The following CT45A1 variants were observed in gnomAD, a reference collection of about 807,000 sequenced individuals.
CT45A1 encodes the protein cancer/testis antigen 45-1.
chrX:135,714,962 G>A (rs1556570760), intron 1 of CT45A1, among the ~76,000 whole-genome samples: 1 of 105,077 alleles, frequency 9.5e-6, no homozygotes, highest in African/African-American at 3.5e-5. Context: ...AAATGGATTT[G>A]TAGTTTCCAT....
chrX:135,709,931 T>G (rs1157603225), upstream of CT45A1, among the ~76,000 whole-genome samples: 4 of 112,406 alleles, frequency 3.6e-5, no homozygotes, highest in African/African-American at 9.7e-5. Context: ...CAGATATACA[T>G]GAAAAGGATT....
chrX:135,715,866 A>G (rs1210062496), intron 1 of CT45A1, among the ~76,000 whole-genome samples: 1 of 45,164 alleles, frequency 2.2e-5, no homozygotes. Context: ...CCCCTCCCCC[A>G]ACAGATCCCA....
At chrX:135,718,516 A>C (rs2883207) in intron 1 of CT45A1, among the ~76,000 whole-genome samples, 10 of 110,159 alleles carry the variant, frequency 9.1e-5, no homozygotes, top group Middle Eastern at 4.8e-3. Flanking sequence ...TATTAAATAC[A>C]TATTTTGCAT....
At chrX:135,710,753 T>TA (rs1292761832), upstream of CT45A1, among the ~76,000 whole-genome samples, 1 of 112,730 alleles carries the variant, frequency 8.9e-6, no homozygotes, top group Non-Finnish European at 1.9e-5. Context: ...ATCTGATTAT[T>TA]AAATTCTGCT....
chrX:135,708,403 A>G, the CT45A1 span, among the ~76,000 whole-genome samples: 1 of 111,011 alleles, frequency 9.0e-6, no homozygotes, highest in Non-Finnish European at 1.9e-5. Context: ...GGACTTCAGG[A>G]CTGTGAGTGG....
chrX:135,708,427 T>C, the CT45A1 span, among the ~76,000 whole-genome samples: 5 of 110,750 alleles, frequency 4.5e-5, no homozygotes, highest in Non-Finnish European at 7.6e-5. Flanking sequence ...AGTTTTTCTC[T>C]GGATGCTTTA....
upstream of CT45A1, chrX:135,710,425 A>G (rs1250819532): frequency 8.9e-6 from 1 of 112,420 alleles, no homozygotes; most frequent in Non-Finnish European, 1.9e-5. Flanking sequence ...TATCTAGACT[A>G]AATGTCTGTT....
At chrX:135,715,896 C>G (rs1323402918) in intron 1 of CT45A1, among the ~76,000 whole-genome samples, 4 of 103,677 alleles carry the variant, frequency 3.9e-5, no homozygotes, top group African/African-American at 1.4e-4. Flanking sequence ...GTTCTCCTCC[C>G]TGTGTCCATG....
intron 1 of CT45A1, among the ~76,000 whole-genome samples, chrX:135,718,008 G>A (rs1405862647): frequency 1.8e-5 from 2 of 111,925 alleles, no homozygotes; most frequent in East Asian, 5.6e-4. Context: ...AGAAAATACT[G>A]ATACGTCACT....
intron 1 of CT45A1, among the ~76,000 whole-genome samples, chrX:135,718,071 A>G (rs2088003250): frequency 8.9e-6 from 1 of 112,005 alleles, no homozygotes; most frequent in Non-Finnish European, 1.9e-5. Flanking sequence ...AGAATAGGAA[A>G]CTTGCCCTTT....
At chrX:135,717,657 C>A (rs1410638453) in intron 1 of CT45A1, among the ~76,000 whole-genome samples, 1 of 111,833 alleles carries the variant, frequency 8.9e-6, no homozygotes, top group Non-Finnish European at 1.9e-5. Flanking sequence ...AGTGCTGTAC[C>A]ACATCTTGAT....
At chrX:135,709,878 TTTAAAAAGG>T (rs2087925810), upstream of CT45A1, among the ~76,000 whole-genome samples, 1 of 112,016 alleles carries the variant, frequency 8.9e-6, no homozygotes, top group Non-Finnish European at 1.9e-5. Flanking sequence ...TATTTATAAT[TTTAAAAAGG>T]TTAAAAAAGA....
upstream of CT45A1, among the ~76,000 whole-genome samples, chrX:135,708,683 T>C (rs1430536356): frequency 9.0e-6 from 1 of 111,376 alleles, no homozygotes; most frequent in Admixed American, 9.5e-5. Flanking sequence ...CCTTATTTAG[T>C]GGTAAGAAAG....
chrX:135,717,700 T>A (rs191490757), intron 1 of CT45A1, among the ~76,000 whole-genome samples: 144 of 112,123 alleles, frequency 1.3e-3, no homozygotes, highest in Non-Finnish European at 2.2e-3. Flanking sequence ...ATGTTTTTGG[T>A]ACTGTTTTTA....
intron 1 of CT45A1, among the ~76,000 whole-genome samples, chrX:135,718,390 T>A (rs1438950459): frequency 9.0e-6 from 1 of 111,042 alleles, no homozygotes; most frequent in Non-Finnish European, 1.9e-5. Flanking sequence ...TTCTTCTAAA[T>A]TCCTTGTCAG....
intron 1 of CT45A1, among the ~76,000 whole-genome samples, chrX:135,715,721 A>G (rs1455733740): frequency 9.7e-6 from 1 of 103,196 alleles, no homozygotes; most frequent in African/African-American, 3.5e-5. Flanking sequence ...TATATATAAA[A>G]TACTTTAAGT....
chrX:135,714,636 G>A (rs1603081902), intron 1 of CT45A1, among the ~76,000 whole-genome samples: 1 of 111,156 alleles, frequency 9.0e-6, no homozygotes, highest in African/African-American at 3.3e-5. Flanking sequence ...TGTACAGTTA[G>A]TCTTTCATTC....
At position 135,717,227 on chromosome X, in the gene CT45A1, CAATAATGTCTTTT is replaced by C. The variant is rs1194699547; in HGVS notation, c.-6-1683_-6-1671del. Among the ~76,000 whole-genome samples the C allele has an allele frequency of 1.7e-3, 185 of 111,630 alleles. 1 individual carries two copies. The highest frequency in any genetic ancestry group is 5.6e-3 in the African/African-American group (172 of 30,754). ...GCTAGGATCATTCTGAGAGACTTGA[CAATAATGTCTTTT>C]AATAATGTCTTTTAATAATGTCTTC... On this transcript the variant is annotated intron_variant, in intron 1 of 4. Coordinates refer to ENST00000594565, the MANE Select transcript of CT45A1 (RefSeq NM_001017417.3).
intron 1 of CT45A1, among the ~76,000 whole-genome samples, chrX:135,718,297 G>C (rs1220713729): frequency 9.0e-6 from 1 of 110,683 alleles, no homozygotes; most frequent in Non-Finnish European, 1.9e-5. Flanking sequence ...CATTTTATTT[G>C]CTCACCCTTA....
Sources: gnomAD v4.1 joint callset for allele counts (sites outside exome capture counted in the v4.1 genomes callset) on GRCh38, gnomAD v4.1.1 for gene constraint, MANE v1.5 for transcripts, NCBI Gene and HGNC (gene_info 2026-07-23, HGNC 2026-07-21) for gene names.